PIK3CB: variants seen among roughly 807,000 people sequenced by gnomAD.
PIK3CB encodes phosphatidylinositol-4,5-bisphosphate 3-kinase catalytic subunit beta.
In PIK3CB, 39 loss-of-function variants were observed where a neutral mutation model predicts 136.8. The ratio of observed to expected loss-of-function variants is 0.29; its 90% CI spans 0.22 to 0.37. The LOEUF is 0.37. Among genes scored for constraint, PIK3CB ranks in the 10% least tolerant of loss-of-function variants. The pLI is 1.00. For missense variants in PIK3CB, 868 were observed against 1,275.4 expected (o/e 0.68, Z 4.87); for synonymous variants, 428 against 436.6 (o/e 0.98, Z 0.25).
intron 10 of PIK3CB, chr3:138,707,564 G>T: frequency 1.7e-6 from 2 of 1,173,310 alleles, no homozygotes; most frequent in Non-Finnish European, 2.1e-6. Flanking sequence ...ATCTTGAAAA[G>T]ACTTTAATTG....
intron 2 of PIK3CB, among the ~76,000 whole-genome samples, chr3:138,792,709 G>A (rs1426216534): frequency 1.3e-5 from 2 of 152,144 alleles, no homozygotes; most frequent in Admixed American, 6.5e-5. Context: ...TAGAGGACTG[G>A]AAGAGAGGAT....
intron 14 of PIK3CB, among the ~76,000 whole-genome samples, chr3:138,693,936 AATATATATAT>A (rs1179221176): frequency 5.4e-4 from 35 of 64,604 alleles, no homozygotes; most frequent in Non-Finnish European, 1.0e-3. Context: ...ATTTGCTTAA[AATATATATAT>A]ATATATATAT....
Position 138,707,220 on chromosome 3 carries a change from G to A in PIK3CB, c.1469C>T (p.Ala490Val), listed in dbSNP as rs1359919593. Residue 490 changes from alanine (A) to valine (V), a missense_variant, in exon 11 of 24, where the codon GCT (alanine) becomes GTT (valine). This residue lies in a region of PIK3CB where 612 missense variants were observed against 801.1 expected (regional missense o/e 0.76). Coordinates refer to ENST00000674063, the MANE Select transcript of PIK3CB (RefSeq NM_006219.3). Reference sequence around the variant, plus strand: ...ATTCTCTGGAAATTTAACATGCAAAGCTGTTGCATTTTCAGTATATGGATT... The same window carrying A: ...ATTCTCTGGAAATTTAACATGCAAAACTGTTGCATTTTCAGTATATGGATT... The part of the protein sequence containing the change: ...QTNPYTENAT[A>V]LHVKFPENKK... The A allele has an allele frequency of 1.1e-5, 18 of 1,612,680 alleles. 1 individual carries two copies. The highest frequency in any genetic ancestry group is 1.4e-5 in the Non-Finnish European group (16 of 1,178,950).
chr3:138,811,663 A>C (rs1215522265), intron 1 of PIK3CB, among the ~76,000 whole-genome samples: 1 of 152,028 alleles, frequency 6.6e-6, no homozygotes, highest in African/African-American at 2.4e-5. Context: ...TGACCTCATG[A>C]TCCGCCCGCC....
At chr3:138,746,597 C>G (rs546383803) in intron 4 of PIK3CB, among the ~76,000 whole-genome samples, 1 of 151,924 alleles carries the variant, frequency 6.6e-6, no homozygotes, top group African/African-American at 2.4e-5. Flanking sequence ...GGAGGTGGAG[C>G]TTGCAGTGAG....
intron 2 of PIK3CB, among the ~76,000 whole-genome samples, chr3:138,769,717 T>C (rs921298972): frequency 2.0e-5 from 3 of 152,222 alleles, no homozygotes; most frequent in African/African-American, 7.2e-5. Flanking sequence ...TGTAGCTATA[T>C]TTTGAAGGAA....
rs57432821 is a variant in PIK3CB at position 138,788,964 on chromosome 3, C to CAAAAAAA, written c.-17+7492_-17+7498dup. 4.5e-3 allele frequency among the ~76,000 whole-genome samples: 404 copies of CAAAAAAA among 89,380 alleles called. 2 individuals are homozygous for CAAAAAAA. The highest frequency in any genetic ancestry group is 5.6e-3 in the Non-Finnish European group (253 of 45,460). The allele number at this position is 89,380 out of a possible 152,430, so 58.6% of individuals were successfully genotyped here. A position where few individuals can be genotyped will look rare whatever the true frequency, so the allele number is the denominator to read the frequency against. ...GGGGGAAAAGAGAGAGACTTCGTCT[C>CAAAAAAA]AAAAAAAAAAAAAAAAAAAAAAAAA... is the stretch of plus-strand genomic sequence containing the variant. On this transcript the variant is annotated intron_variant, in intron 2 of 23. Transcript: ENST00000674063.
At chr3:138,764,246 C>A (rs1244335051) in intron 2 of PIK3CB, among the ~76,000 whole-genome samples, 1 of 150,448 alleles carries the variant, frequency 6.6e-6, no homozygotes, top group Non-Finnish European at 1.5e-5. Context: ...CCCAGGAGCC[C>A]AAGACCAGCC....
chr3:138,690,136 A>C (rs2043976324), intron 15 of PIK3CB, among the ~76,000 whole-genome samples: 1 of 152,080 alleles, frequency 6.6e-6, no homozygotes, highest in Non-Finnish European at 1.5e-5. Context: ...AGTGGAAAAA[A>C]ATATATGAAT....
At chr3:138,817,023 A>G (rs1020136838) in intron 1 of PIK3CB, among the ~76,000 whole-genome samples, 6 of 150,244 alleles carry the variant, frequency 4.0e-5, no homozygotes, top group Non-Finnish European at 8.9e-5. Flanking sequence ...CAACATGGAG[A>G]AACCCCGTCT....
intron 12 of PIK3CB, among the ~76,000 whole-genome samples, chr3:138,700,268 C>G (rs2044222826): frequency 6.6e-6 from 1 of 152,014 alleles, no homozygotes; most frequent in African/African-American, 2.4e-5. Context: ...ATCCATCCAT[C>G]CATCCCTACA....
At chr3:138,731,486 C>G (rs369002565) in intron 8 of PIK3CB, among the ~76,000 whole-genome samples, 2 of 151,814 alleles carry the variant, frequency 1.3e-5, no homozygotes, top group East Asian at 3.9e-4. Context: ...CTCCTGGACT[C>G]AAATGATCTG....
At chr3:138,793,486 A>G (rs2046075926) in intron 2 of PIK3CB, among the ~76,000 whole-genome samples, 1 of 152,030 alleles carries the variant, frequency 6.6e-6, no homozygotes, top group Non-Finnish European at 1.5e-5. Context: ...CATGCCTATA[A>G]TTGCAGCTAC....
chr3:138,795,725 G>C lies in PIK3CB; in HGVS notation c.-17+738C>G, dbSNP rs561859690. Among the ~76,000 whole-genome samples, 403 of 152,264 alleles carry C rather than the reference G, an allele frequency of 2.6e-3. 2 individuals are homozygous for C. The highest frequency in any genetic ancestry group is 9.3e-3 in the African/African-American group (387 of 41,570). ...CCTAACTATAACTCCAGTGCTTAAG[G>C]AAGTGATGACTGCAGCTATATTACA... On this transcript the variant is annotated intron_variant, in intron 2 of 23. Transcript: ENST00000674063.
chr3:138,690,235 A>G (rs2043979133), intron 15 of PIK3CB, among the ~76,000 whole-genome samples: 1 of 151,982 alleles, frequency 6.6e-6, no homozygotes, highest in African/African-American at 2.4e-5. Flanking sequence ...AAGAAAAGAA[A>G]AAAGAAGAAA....
intron 19 of PIK3CB, among the ~76,000 whole-genome samples, chr3:138,670,043 G>T (rs578130222): frequency 1.4e-3 from 218 of 152,244 alleles, no homozygotes; most frequent in Non-Finnish European, 2.4e-3. Context: ...GATCTCACTG[G>T]ACAGACAAGT....
intron 4 of PIK3CB, among the ~76,000 whole-genome samples, chr3:138,751,512 T>G (rs2045472200): frequency 6.6e-6 from 1 of 152,066 alleles, no homozygotes. Flanking sequence ...CTAAGTAATT[T>G]AATTTTAAAC....
At chr3:138,693,939 ATAT>A (rs2044065696) in intron 14 of PIK3CB, among the ~76,000 whole-genome samples, 1 of 18,836 alleles carries the variant, frequency 5.3e-5, no homozygotes, top group African/African-American at 1.8e-4. Flanking sequence ...TGCTTAAAAT[ATAT>A]ATATATATAT....
chr3:138,761,906 C>G (rs774865584), intron 2 of PIK3CB, among the ~76,000 whole-genome samples: 16 of 151,052 alleles, frequency 1.1e-4, no homozygotes, highest in Non-Finnish European at 2.1e-4. Flanking sequence ...CGCCACTGCA[C>G]TCCAGCCTGG....
Sources: allele counts gnomAD v4.1 joint callset (sites outside exome capture counted in the v4.1 genomes callset), GRCh38; gene constraint gnomAD v4.1.1; regional missense constraint gnomAD v4.1.1; transcripts MANE v1.5; gene names NCBI Gene and HGNC (gene_info 2026-07-23, HGNC 2026-07-21).